MED13L: variants seen among roughly 807,000 people sequenced by gnomAD.
The protein encoded by MED13L is mediator of RNA polymerase II transcription subunit 13-like.
In MED13L, 7 loss-of-function variants were observed where a neutral mutation model predicts 220.9. The ratio of observed to expected loss-of-function variants is 0.03; its 90% CI spans 0.02 to 0.06. The LOEUF is 0.06. Among genes scored for constraint, MED13L ranks in the 10% least tolerant of loss-of-function variants. The pLI, the probability that MED13L is intolerant of heterozygous loss-of-function variation, is 1.00. For synonymous variants in MED13L, 1,011 were observed against 1,015.2 expected (o/e 1.00, Z 0.08); for missense variants, 1,965 against 2,760.5 (o/e 0.71, Z 6.46).
At chr12:116,127,932 C>T (rs1875732424) in intron 2 of MED13L, among the ~76,000 whole-genome samples, 1 of 152,180 alleles carries the variant, frequency 6.6e-6, no homozygotes, top group Admixed American at 6.5e-5. Flanking sequence ...TCTTCCAACA[C>T]CCTCTGTGTA....
chr12:116,175,724 G>A (rs1437191351), intron 2 of MED13L, among the ~76,000 whole-genome samples: 1 of 152,066 alleles, frequency 6.6e-6, no homozygotes, highest in Non-Finnish European at 1.5e-5. Context: ...CATTAGAGAA[G>A]GAGAACTGGC....
chr12:116,123,761 T>C (rs1875299596), intron 2 of MED13L, among the ~76,000 whole-genome samples: 1 of 152,274 alleles, frequency 6.6e-6, no homozygotes, highest in Admixed American at 6.5e-5. Flanking sequence ...CCATGCAGCA[T>C]TTCTGTTCTT....
intron 2 of MED13L, among the ~76,000 whole-genome samples, chr12:116,133,175 G>A (rs1478412376): frequency 2.0e-5 from 3 of 152,166 alleles, no homozygotes; most frequent in Admixed American, 2.0e-4. Context: ...CAATAGCACT[G>A]TTCAAAAAAA....
intron 2 of MED13L, among the ~76,000 whole-genome samples, chr12:116,209,684 T>C (rs1882572436): frequency 6.6e-6 from 1 of 152,182 alleles, no homozygotes; most frequent in Non-Finnish European, 1.5e-5. Context: ...AGTGGTCAGA[T>C]AACTATTAGA....
intron 4 of MED13L, among the ~76,000 whole-genome samples, chr12:116,043,753 C>T (rs573216285): frequency 6.6e-6 from 1 of 152,310 alleles, no homozygotes; most frequent in East Asian, 1.9e-4. Context: ...CCCCTACGCA[C>T]TGGCAGATTC....
intron 2 of MED13L, among the ~76,000 whole-genome samples, chr12:116,162,666 A>C (rs994487876): frequency 5.3e-5 from 8 of 152,236 alleles, no homozygotes; most frequent in Non-Finnish European, 1.2e-4. Context: ...TAACTATAAA[A>C]TTACTTCAGA....
At chr12:116,009,244 C>T (rs764122074) in intron 9 of MED13L, 112 bp from the exon 10 acceptor site, 31 of 1,035,838 alleles carry the variant, frequency 3.0e-5, no homozygotes, top group Non-Finnish European at 4.1e-5. Context: ...TAAAAGGGCT[C>T]TAAGTTTTTA....
At chr12:116,137,719 C>CTG (rs368042953) in intron 2 of MED13L, among the ~76,000 whole-genome samples, 1 of 152,214 alleles carries the variant, frequency 6.6e-6, no homozygotes, top group African/African-American at 2.4e-5. Context: ...GTTATTTTGC[C>CTG]TCCATCTAGA....
chr12:116,173,699 A>G (rs369080320), intron 2 of MED13L, among the ~76,000 whole-genome samples: 56 of 152,310 alleles, frequency 3.7e-4, no homozygotes, highest in African/African-American at 1.3e-3. Flanking sequence ...AGAAATTCAC[A>G]TAAGTTGCCT....
At chr12:116,187,152 T>G (rs991800760) in intron 2 of MED13L, among the ~76,000 whole-genome samples, 2 of 152,190 alleles carry the variant, frequency 1.3e-5, no homozygotes, top group Non-Finnish European at 2.9e-5. Context: ...AAGTGAAATT[T>G]TGCATTTTAT....
At chr12:116,167,025 T>C (rs905962707) in intron 2 of MED13L, among the ~76,000 whole-genome samples, 2 of 152,184 alleles carry the variant, frequency 1.3e-5, no homozygotes, top group Non-Finnish European at 2.9e-5. Flanking sequence ...TCTTCATACA[T>C]GACCCCATAA....
intron 2 of MED13L, chr12:116,148,737 C>G (rs929250845): frequency 6.1e-6 from 1 of 164,244 alleles, no homozygotes; most frequent in Non-Finnish European, 1.5e-5. Context: ...ATTTAGGTTA[C>G]CTCCTAAGAA....
intron 4 of MED13L, among the ~76,000 whole-genome samples, chr12:116,091,421 C>G (rs1872199578): frequency 6.6e-6 from 1 of 152,272 alleles, no homozygotes; most frequent in Non-Finnish European, 1.5e-5. Context: ...CTGTATTTAA[C>G]TATCATCACC....
rs1173997851 is a variant in MED13L, at chr12:116,005,176, T to C, written c.2469+693A>G. On this transcript the variant is annotated intron_variant, in intron 13 of 30. Coordinates refer to ENST00000281928, the MANE Select transcript of MED13L (RefSeq NM_015335.5). The stretch of plus-strand genomic sequence containing the variant: ...ATGAAAGAAAAGTAAACTAATAAGC[T>C]GACCTTTTTGAAAACAGAGCCTATC... 3.3e-5 allele frequency among the ~76,000 whole-genome samples: 5 copies of C among 152,208 alleles called. No individual in the cohort carries two copies. In the East Asian group the frequency reaches 9.6e-4, roughly 29 times the overall value.
intron 2 of MED13L, among the ~76,000 whole-genome samples, chr12:116,221,066 CAAAA>C (rs1406880516): frequency 6.6e-6 from 1 of 151,920 alleles, no homozygotes; most frequent in Admixed American, 6.6e-5. Context: ...TTAATAAACA[CAAAA>C]GAAAGTATAA....
chr12:116,149,026 A>G (rs1403142801), intron 2 of MED13L, among the ~76,000 whole-genome samples: 1 of 152,030 alleles, frequency 6.6e-6, no homozygotes, highest in East Asian at 1.9e-4. Context: ...TCTATTTCCT[A>G]CCCACTAACA....
At chr12:116,044,056 A>C (rs1881688252) in intron 4 of MED13L, among the ~76,000 whole-genome samples, 1 of 152,224 alleles carries the variant, frequency 6.6e-6, no homozygotes, top group Non-Finnish European at 1.5e-5. Context: ...CATGTGACCA[A>C]GAATAACGCC....
At chr12:116,057,704 C>T (rs1048453083) in intron 4 of MED13L, among the ~76,000 whole-genome samples, 22 of 151,586 alleles carry the variant, frequency 1.5e-4, no homozygotes, top group African/African-American at 5.1e-4. Flanking sequence ...ATTTCCATAC[C>T]ATTACTTCCA....
chr12:116,188,786 GTCATT>G (rs1160176262), intron 2 of MED13L, among the ~76,000 whole-genome samples: 1 of 151,988 alleles, frequency 6.6e-6, no homozygotes, highest in African/African-American at 2.4e-5. Flanking sequence ...CTGTATCTTT[GTCATT>G]TCAAGAACGT....
Sources: gnomAD v4.1 joint callset for allele counts (sites outside exome capture counted in the v4.1 genomes callset) on GRCh38, gnomAD v4.1.1 for gene constraint, MANE v1.5 for transcripts, NCBI Gene and HGNC (gene_info 2026-07-23, HGNC 2026-07-21) for gene names.